The following MIGA1 variants were observed in gnomAD, a reference collection of about 807,000 sequenced individuals.
MIGA1 encodes the protein mitoguardin 1, also known as family with sequence similarity 73, member A.
In MIGA1, 58 loss-of-function variants were observed where a neutral mutation model predicts 82.0. The ratio of observed to expected loss-of-function variants is 0.71; its 90% confidence interval spans 0.57 to 0.88. The LOEUF (loss-of-function observed/expected upper bound fraction) is 0.88. Among genes scored for constraint, MIGA1 ranks in the 40% least tolerant of loss-of-function variants. The pLI, the probability that MIGA1 is intolerant of heterozygous loss-of-function variation, is 0.00. For synonymous variants in MIGA1, 249 were observed against 253.6 expected, an observed-to-expected ratio of 0.98 and a Z score of 0.17; for missense variants, 751 against 749.1, an observed-to-expected ratio of 1.00 and a Z score of -0.03.
intron 8 of MIGA1, among the ~76,000 whole-genome samples, chr1:77,850,123 G>A (rs1684992762): frequency 6.6e-6 from 1 of 152,026 alleles, no homozygotes; most frequent in Admixed American, 6.6e-5. Flanking sequence ...GAAAGTTGGT[G>A]CTATCCATTA....
intron 5 of MIGA1, chr1:77,811,363 G>T (rs1683320668): frequency 1.2e-6 from 2 of 1,606,990 alleles, no homozygotes; most frequent in Non-Finnish European, 8.5e-7. Flanking sequence ...CCCTGCTCCA[G>T]CACCACCCTC....
At chr1:77,847,043 CTT>C (rs1684868893) in intron 8 of MIGA1, 1 of 720,470 alleles carries the variant, frequency 1.4e-6, no homozygotes, top group African/African-American at 1.7e-5. Flanking sequence ...TTTGACGACA[CTT>C]ATTTATAGCA....
At chr1:77,870,857 G>A (rs1351068923) in intron 14 of MIGA1, among the ~76,000 whole-genome samples, 1 of 151,476 alleles carries the variant, frequency 6.6e-6, no homozygotes, top group African/African-American at 2.4e-5. Flanking sequence ...CGAGGCCGGC[G>A]GATCACTCGC....
intron 7 of MIGA1, among the ~76,000 whole-genome samples, chr1:77,841,738 T>TTTC (rs71717012): frequency 4.4e-4 from 1 of 2,274 alleles, no homozygotes; most frequent in Non-Finnish European, 1.8e-3. Flanking sequence ...TTCTGCTTTC[T>TTTC]TTCTTTTCTT....
intron 7 of MIGA1, among the ~76,000 whole-genome samples, chr1:77,819,465 G>C (rs1683716697): frequency 6.6e-6 from 1 of 151,984 alleles, no homozygotes; most frequent in Admixed American, 6.5e-5. Context: ...TGTATTTTTA[G>C]TAGAGATGGA....
chr1:77,819,219 A>C (rs1057496105), intron 7 of MIGA1, among the ~76,000 whole-genome samples: 2 of 152,156 alleles, frequency 1.3e-5, no homozygotes, highest in Admixed American at 1.3e-4. Flanking sequence ...AGGGTTACAC[A>C]GCTATTAAGT....
intron 1 of MIGA1, among the ~76,000 whole-genome samples, chr1:77,781,921 T>G (rs1312367741): frequency 6.6e-6 from 1 of 152,076 alleles, no homozygotes; most frequent in African/African-American, 2.4e-5. Flanking sequence ...GATAGTCTAT[T>G]GGAGTATAGA....
At chr1:77,824,736 T>C (rs1259304187) in intron 7 of MIGA1, among the ~76,000 whole-genome samples, 1 of 152,170 alleles carries the variant, frequency 6.6e-6, no homozygotes, top group Non-Finnish European at 1.5e-5. Context: ...TTTCAAGCCA[T>C]CTTTACAATG....
intron 8 of MIGA1, among the ~76,000 whole-genome samples, chr1:77,850,320 G>C (rs1447905699): frequency 6.6e-6 from 1 of 152,186 alleles, no homozygotes; most frequent in East Asian, 1.9e-4. Context: ...TGGTTACACA[G>C]GTTAGCCCTA....
At chr1:77,784,678 C>T (rs949108729) in intron 2 of MIGA1, among the ~76,000 whole-genome samples, 2 of 152,162 alleles carry the variant, frequency 1.3e-5, no homozygotes, top group African/African-American at 2.4e-5. Flanking sequence ...TTGATAGTAG[C>T]CATCCTAATA....
intron 7 of MIGA1, among the ~76,000 whole-genome samples, chr1:77,823,954 C>T (rs1683935493): frequency 6.6e-6 from 1 of 152,160 alleles, no homozygotes; most frequent in Non-Finnish European, 1.5e-5. Flanking sequence ...TGTTTATACG[C>T]ATGGGAACTT....
At chr1:77,785,710 T>C (rs1225269989) in intron 2 of MIGA1, among the ~76,000 whole-genome samples, 1 of 152,236 alleles carries the variant, frequency 6.6e-6, no homozygotes, top group East Asian at 1.9e-4. Context: ...CAGGTCATGC[T>C]GATGCAAGAG....
rs1360172801 is a variant in MIGA1, at chr1:77,875,001, T to C, written c.1836T>C (p.Ser612=). The change falls in exon 16 of 16, where the codon AGT becomes AGC. Residue 612 remains serine, a synonymous_variant. Coordinates refer to ENST00000370791, the MANE Select transcript of MIGA1 (RefSeq NM_198549.4). Reference sequence around the variant, plus strand: ...AAGCAGATGCCCTGAGGCATACAAGTAGTTGTCTAAGCAGTCATGGTCATG... The same window carrying C: ...AAGCAGATGCCCTGAGGCATACAAGCAGTTGTCTAAGCAGTCATGGTCATG... The C allele has an allele frequency of 1.9e-6, 3 of 1,614,042 alleles. No individual in the cohort carries two copies. The highest frequency in any genetic ancestry group is 2.5e-6 in the Non-Finnish European group (3 of 1,180,040).
chr1:77,830,945 G>A (rs1288358168), intron 7 of MIGA1, among the ~76,000 whole-genome samples: 3 of 152,132 alleles, frequency 2.0e-5, no homozygotes, highest in Non-Finnish European at 4.4e-5. Context: ...GTCTGGTGGG[G>A]TAACTAACAC....
At chr1:77,864,738 T>C (rs923144368) in intron 13 of MIGA1, among the ~76,000 whole-genome samples, 6 of 152,194 alleles carry the variant, frequency 3.9e-5, no homozygotes, top group Non-Finnish European at 8.8e-5. Context: ...TGTGAAATAA[T>C]GTATGGAAAC....
At chr1:77,796,833 CA>C (rs1682676230) in intron 2 of MIGA1, among the ~76,000 whole-genome samples, 1 of 152,072 alleles carries the variant, frequency 6.6e-6, no homozygotes, top group Admixed American at 6.6e-5. Context: ...ACATGGAGCA[CA>C]ATTTGTTCTT....
intron 8 of MIGA1, among the ~76,000 whole-genome samples, chr1:77,855,872 G>A (rs942717388): frequency 1.3e-5 from 2 of 151,994 alleles, no homozygotes; most frequent in Non-Finnish European, 2.9e-5. Flanking sequence ...TACCGACGTG[G>A]ATGCCCTTTA....
intron 5 of MIGA1, among the ~76,000 whole-genome samples, chr1:77,807,545 T>G (rs1223726340): frequency 6.6e-6 from 1 of 152,194 alleles, no homozygotes; most frequent in Non-Finnish European, 1.5e-5. Flanking sequence ...GTATCTAGTC[T>G]TCATAACGTC....
chr1:77,817,239 G>T (rs1364098859), intron 7 of MIGA1, among the ~76,000 whole-genome samples: 1 of 152,000 alleles, frequency 6.6e-6, no homozygotes, highest in African/African-American at 2.4e-5. Flanking sequence ...TTAGATTCTT[G>T]TTGCTTTTAG....
Sources: allele counts gnomAD v4.1 joint callset (sites outside exome capture counted in the v4.1 genomes callset), GRCh38; gene constraint gnomAD v4.1.1; transcripts MANE v1.5; gene names NCBI Gene and HGNC (gene_info 2026-07-23, HGNC 2026-07-21).